UHRF2: variants seen among roughly 807,000 people sequenced by gnomAD.
UHRF2 encodes ubiquitin like with PHD and ring finger domains 2, also known as E3 ubiquitin-protein ligase UHRF2.
A neutral mutation model predicts 96.8 loss-of-function variants in UHRF2; 23 were observed. The ratio of observed to expected loss-of-function variants is 0.24; its 90% CI spans 0.17 to 0.34. UHRF2 has a LOEUF of 0.34. Ranked by LOEUF, UHRF2 falls within the 10% of genes least tolerant of loss-of-function variation. UHRF2 has a pLI of 1.00. For missense variants in UHRF2, 685 were observed against 981.5 expected, an observed-to-expected ratio of 0.70 and a Z score of 4.04; for synonymous variants, 385 against 332.6, an observed-to-expected ratio of 1.16 and a Z score of -1.72.
intron 14 of UHRF2, among the ~76,000 whole-genome samples, chr9:6,502,150 T>G (rs1816324232): frequency 6.6e-6 from 1 of 152,152 alleles, no homozygotes; most frequent in African/African-American, 2.4e-5. Context: ...AATAAATACA[T>G]ATGTGTATAT....
chr9:6,416,680 C>T (rs936443887), intron 1 of UHRF2, among the ~76,000 whole-genome samples: 27 of 151,884 alleles, frequency 1.8e-4, no homozygotes, highest in African/African-American at 6.3e-4. Flanking sequence ...GCTGGGACTA[C>T]AGGCGCCCGC....
chr9:6,456,013 G>A (rs576985195), intron 3 of UHRF2, among the ~76,000 whole-genome samples: 288 of 152,188 alleles, frequency 1.9e-3, no homozygotes, highest in Non-Finnish European at 2.9e-3. Context: ...ATGTAAAATT[G>A]AAGAACCTTA....
chr9:6,489,028 T>C (rs1451087350), intron 9 of UHRF2, among the ~76,000 whole-genome samples: 1 of 152,000 alleles, frequency 6.6e-6, no homozygotes, highest in Non-Finnish European at 1.5e-5. Flanking sequence ...CAGGCTGGTC[T>C]CAAACTCCTG....
At chr9:6,467,035 C>G (rs1822905597) in intron 4 of UHRF2, among the ~76,000 whole-genome samples, 1 of 152,218 alleles carries the variant, frequency 6.6e-6, no homozygotes, top group Admixed American at 6.5e-5. Flanking sequence ...GCTGCTACAA[C>G]AAATTACCAC....
At chr9:6,450,286 C>G (rs947024505) in intron 3 of UHRF2, among the ~76,000 whole-genome samples, 1 of 149,780 alleles carries the variant, frequency 6.7e-6, no homozygotes, top group Non-Finnish European at 1.5e-5. Context: ...AAGTCTCTAT[C>G]TACAGATTTC....
At chr9:6,468,349 A>T (rs1396867630) in intron 4 of UHRF2, 1 of 430,332 alleles carries the variant, frequency 2.3e-6, no homozygotes, top group East Asian at 7.1e-5. Context: ...ACCTGTTTGC[A>T]GGTAGGGTGG....
intron 2 of UHRF2, among the ~76,000 whole-genome samples, chr9:6,428,033 C>A (rs1820354833): frequency 6.6e-6 from 1 of 152,150 alleles, no homozygotes. Flanking sequence ...TGGCTGTCAT[C>A]CTGGACTAAA....
At chr9:6,455,777 G>A (rs568386) in intron 3 of UHRF2, among the ~76,000 whole-genome samples, 72,781 of 142,102 alleles carry the variant, frequency 0.51, 18,346 homozygotes, top group South Asian at 0.62. Context: ...TTCAGCCCTG[G>A]AGTCTGAGAC....
intron 15 of UHRF2, among the ~76,000 whole-genome samples, chr9:6,505,750 A>C (rs552129411): frequency 1.5e-3 from 234 of 152,350 alleles, no homozygotes; most frequent in African/African-American, 5.4e-3. Flanking sequence ...AGATTAGGCT[A>C]GTGGCAACCA....
At chr9:6,481,866 T>C (rs1823948113) in intron 7 of UHRF2, 100 bp downstream of exon 7, 2 of 1,533,846 alleles carry the variant, frequency 1.3e-6, no homozygotes, top group Non-Finnish European at 1.8e-6. Context: ...ACAGTATCAT[T>C]ATTTGTTAAT....
chr9:6,506,995 A>G lies in UHRF2; in HGVS notation c.*816A>G, dbSNP rs1226165014. On this transcript the variant is annotated 3_prime_UTR_variant, in exon 16 of 16. Transcript: ENST00000276893. ...AAATTGCTTCATATTGTGATCCTAA[A>G]TTTTATATTCACTATATTCCCTAAA... The G allele has an allele frequency of 1.3e-5, 2 of 152,512 alleles. No homozygotes were observed. The highest frequency in any genetic ancestry group is 6.5e-5 in the Admixed American group (1 of 15,282). The allele number at this position is 152,512 out of a possible 1,614,324, so 9.4% of individuals were successfully genotyped here.
intron 3 of UHRF2, among the ~76,000 whole-genome samples, chr9:6,459,209 A>AT (rs201601512): frequency 6.6e-6 from 1 of 152,128 alleles, no homozygotes; most frequent in African/African-American, 2.4e-5. Context: ...AAGAACTTAA[A>AT]TTTTAAAAAA....
chr9:6,482,248 G>A (rs1422036379), intron 8 of UHRF2, 149 bp downstream of exon 8: 9 of 673,930 alleles, frequency 1.3e-5, no homozygotes, highest in Admixed American at 2.8e-5. Flanking sequence ...ACTCTTCCTG[G>A]AGGTTAACAA....
intron 3 of UHRF2, among the ~76,000 whole-genome samples, chr9:6,448,874 G>A (rs1821679469): frequency 6.6e-6 from 1 of 152,178 alleles, no homozygotes; most frequent in South Asian, 2.1e-4. Context: ...AATAGGAAGA[G>A]CCTTTTGTGT....
intron 4 of UHRF2, among the ~76,000 whole-genome samples, chr9:6,464,890 ATCTTTTC>A (rs1822767123): frequency 6.6e-6 from 1 of 152,118 alleles, no homozygotes; most frequent in African/African-American, 2.4e-5. Flanking sequence ...TTTTGCAGTC[ATCTTTTC>A]TCTTTCTGGT....
chr9:6,491,047 A>C (rs1197776789), intron 9 of UHRF2, among the ~76,000 whole-genome samples: 2 of 152,218 alleles, frequency 1.3e-5, no homozygotes, highest in African/African-American at 4.8e-5. Context: ...ACTCTTGCGT[A>C]CCTGCTGATA....
At chr9:6,496,691 T>C (rs1008470225) in intron 10 of UHRF2, 2 of 152,480 alleles carry the variant, frequency 1.3e-5, no homozygotes, top group African/African-American at 4.8e-5. Context: ...TAATATCTTT[T>C]AAACTTTAAG....
chr9:6,433,794 A>C (rs554340990), intron 2 of UHRF2, 120 bp from the exon 3 acceptor site: 2 of 1,007,424 alleles, frequency 2.0e-6, no homozygotes, highest in East Asian at 5.1e-5. Flanking sequence ...AACCACTTTA[A>C]ACATGAGTAG....
intron 15 of UHRF2, among the ~76,000 whole-genome samples, chr9:6,504,906 T>C (rs1223967294): frequency 6.6e-6 from 1 of 152,200 alleles, no homozygotes; most frequent in Admixed American, 6.5e-5. Context: ...TATTCTATCA[T>C]GTTTGGAATT....
Sources: gnomAD v4.1 joint callset for allele counts (sites outside exome capture counted in the v4.1 genomes callset) on GRCh38, gnomAD v4.1.1 for gene constraint, MANE v1.5 for transcripts, NCBI Gene and HGNC (gene_info 2026-07-23, HGNC 2026-07-21) for gene names.